The following SNX8 variants were observed in gnomAD, a reference collection of about 807,000 sequenced individuals.
SNX8 encodes sorting nexin 8.
In SNX8, 25 loss-of-function variants were observed where a neutral mutation model predicts 51.6. The observed-to-expected ratio is 0.48, with a 90% confidence interval of 0.35 to 0.68. SNX8 has a LOEUF of 0.68. SNX8 is among the 30% of genes least tolerant of loss of function. The probability of loss-of-function intolerance (pLI) is 0.00; values close to 1 mark genes in which losing one functional copy is unlikely to be tolerated. For missense variants in SNX8, 695 were observed against 624.0 expected (o/e 1.11, Z -1.21); for synonymous variants, 324 against 277.0 (o/e 1.17, Z -1.68).
At chr7:2,329,414 G>A (rs1004079586) in intron 1 of SNX8, among the ~76,000 whole-genome samples, 7 of 152,164 alleles carry the variant, frequency 4.6e-5, no homozygotes, top group South Asian at 2.1e-4. Context: ...CGGCCTAGTC[G>A]GCACACAGTT....
chr7:2,285,211 CAA>C (rs58401507), intron 1 of SNX8, among the ~76,000 whole-genome samples: 2 of 70,936 alleles, frequency 2.8e-5, no homozygotes, highest in South Asian at 4.8e-4. Context: ...GACTCCGTCT[CAA>C]AAAAAAAAAA....
At position 2,345,184 on chromosome 7, in the gene SNX8, C is replaced by A. The variant is rs554816201; in HGVS notation, c.-66+9038G>T. Among the ~76,000 whole-genome samples the A allele has an allele frequency of 2.2e-3, 332 of 152,010 alleles. 4 individuals carry two copies. The highest frequency in any genetic ancestry group is 7.4e-3 in the African/African-American group (305 of 41,492). On this transcript the variant is annotated intron_variant, in intron 1 of 5. Coordinates refer to the SNX8 transcript ENST00000435336. The stretch of plus-strand genomic sequence containing the variant: ...ATACTATTTATAACACTGAAAAAAA[C>A]CAAAACAACCTACTTTTATACGAAT...
intron 1 of SNX8, among the ~76,000 whole-genome samples, chr7:2,301,762 C>T (rs1228607724): frequency 2.0e-5 from 3 of 152,150 alleles, no homozygotes; most frequent in African/African-American, 7.2e-5. Flanking sequence ...TTCAGCTAGT[C>T]CTCAATTTCG....
upstream of SNX8, chr7:2,314,526 C>A: frequency 1.9e-6 from 2 of 1,073,138 alleles, no homozygotes; most frequent in Non-Finnish European, 2.3e-6. Context: ...ACGCCCCCTC[C>A]CCCGCGCGCC....
chr7:2,314,260 C>T (rs1796716364), intron 1 of SNX8, 68 bp downstream of exon 1: 5 of 1,210,864 alleles, frequency 4.1e-6, no homozygotes, highest in Non-Finnish European at 5.1e-6. Flanking sequence ...CGGCTGAGCC[C>T]CGTCCGCCGG....
intron 10 of SNX8, among the ~76,000 whole-genome samples, chr7:2,255,465 G>C (rs756595993): frequency 6.6e-6 from 1 of 152,244 alleles, no homozygotes; most frequent in Non-Finnish European, 1.5e-5. Flanking sequence ...TTACTATCGC[G>C]TCACTGCCAG....
chr7:2,351,779 C>T (rs543789181), intron 1 of SNX8, among the ~76,000 whole-genome samples: 46 of 147,614 alleles, frequency 3.1e-4, no homozygotes, highest in African/African-American at 1.0e-3. Context: ...TGCAGTGATC[C>T]GAGATAGCAC....
intron 1 of SNX8, among the ~76,000 whole-genome samples, chr7:2,295,297 G>C (rs187424988): frequency 6.7e-6 from 1 of 149,944 alleles, no homozygotes; most frequent in African/African-American, 2.5e-5. Flanking sequence ...CCAGCTACTC[G>C]GGAGTCTGAG....
intron 1 of SNX8, among the ~76,000 whole-genome samples, chr7:2,306,719 G>A (rs148070158): frequency 1.1e-4 from 17 of 152,176 alleles, no homozygotes; most frequent in Non-Finnish European, 2.2e-4. Flanking sequence ...GCTGTTAAAA[G>A]GGGTGGAACT....
rs900406177 is a variant in SNX8 at position 2,276,144 on chromosome 7, G to A, written c.301-915C>T. Among the ~76,000 whole-genome samples, 4 of 152,142 alleles carry A rather than the reference G, an allele frequency of 2.6e-5. No individual in the cohort carries two copies. In the East Asian group the frequency reaches 5.8e-4, roughly 22 times the overall value. On this transcript the variant is annotated intron_variant, in intron 2 of 10. Coordinates refer to ENST00000222990, the MANE Select transcript of SNX8 (RefSeq NM_013321.4). ...GTGGCAATGAATTTACTTAAGGGAC[G>A]GGCAGCTTAGTAAGACTGGACAAAA...
intron 1 of SNX8, among the ~76,000 whole-genome samples, chr7:2,292,832 C>A (rs1467969212): frequency 2.6e-5 from 4 of 151,898 alleles, no homozygotes; most frequent in African/African-American, 9.7e-5. Context: ...CCAGCCTGGG[C>A]AACGCGGCAA....
rs564108142 is a variant in SNX8, at chr7:2,254,946, C to T, written c.*110G>A. ...GAGCTCCTCTGCTCCAGCTGCAGCA[C>T]GGGGCGTGGCGGGGAGGGGAGCTGC... On this transcript the variant is annotated 3_prime_UTR_variant, in exon 11 of 11. Transcript: ENST00000222990. 27 of 771,890 alleles carry T rather than the reference C, an allele frequency of 3.5e-5. No homozygotes were observed. The highest frequency in any genetic ancestry group is 2.0e-4 in the South Asian group (13 of 66,490). 47.8% of individuals were successfully genotyped at this position (771,890 alleles called of 1,614,324 possible).
intron 1 of SNX8, among the ~76,000 whole-genome samples, chr7:2,280,459 G>A (rs1391993110): frequency 6.6e-6 from 1 of 150,656 alleles, no homozygotes; most frequent in Non-Finnish European, 1.5e-5. Context: ...TCCAGCCTGG[G>A]CAACAGAGAC....
chr7:2,263,485 C>G (rs1282943247), intron 6 of SNX8, 123 bp from the exon 7 acceptor site: 1 of 978,564 alleles, frequency 1.0e-6, no homozygotes, highest in East Asian at 2.7e-5. Flanking sequence ...TCCTAGGACC[C>G]TGCTGCTCAA....
chr7:2,295,215 C>A (rs956671257), intron 1 of SNX8, among the ~76,000 whole-genome samples: 2 of 151,824 alleles, frequency 1.3e-5, no homozygotes, highest in Non-Finnish European at 2.9e-5. Context: ...ACCAGCCTGG[C>A]CAACATGGTG....
rs1584656582 is a variant in SNX8, at chr7:2,253,776, C to T, written c.*1280G>A. 6.6e-6 allele frequency: 1 copy of T among 152,234 alleles called. No individual in the cohort carries two copies. The highest frequency in any genetic ancestry group is 1.9e-4 in the East Asian group (1 of 5,180). 9.4% of individuals were successfully genotyped at this position (152,234 alleles called of 1,614,324 possible). A position where few individuals can be genotyped will look rare whatever the true frequency, so the allele number is the denominator to read the frequency against. ...AGGAGTCCCCTCTCCATCCCACGGC[C>T]GTGAGCTGCCCGTAGGTACAGGCGG... On this transcript the variant is annotated 3_prime_UTR_variant, in exon 11 of 11. Coordinates refer to ENST00000222990, the MANE Select transcript of SNX8 (RefSeq NM_013321.4).
chr7:2,295,530 C>A (rs1796253982), intron 1 of SNX8, among the ~76,000 whole-genome samples: 1 of 149,598 alleles, frequency 6.7e-6, no homozygotes, highest in Non-Finnish European at 1.5e-5. Flanking sequence ...CATGGTGAAA[C>A]CCTGTCTCTA....
In SNX8 at chr7:2,313,682, G is replaced by A. The variant is rs1374236219; in HGVS notation, c.94+646C>T. 6.6e-5 allele frequency among the ~76,000 whole-genome samples: 10 copies of A among 151,746 alleles called. No homozygotes were observed. The East Asian group carries it at 1.6e-3, about 24-fold the overall frequency. On this transcript the variant is annotated intron_variant, in intron 1 of 10. Coordinates refer to ENST00000222990, the MANE Select transcript of SNX8 (RefSeq NM_013321.4). ...GCTCCAGACCAGCCTGGACAACATA[G>A]CAAGATCCCATCTCTACAAAAATAA...
At chr7:2,268,154 G>A (rs1795528187) in intron 5 of SNX8, among the ~76,000 whole-genome samples, 1 of 142,118 alleles carries the variant, frequency 7.0e-6, no homozygotes, top group Non-Finnish European at 1.6e-5. Context: ...GCCCCATCCG[G>A]GAGGGAGGTG....
Sources: allele counts gnomAD v4.1 joint callset (sites outside exome capture counted in the v4.1 genomes callset), GRCh38; gene constraint gnomAD v4.1.1; transcripts MANE v1.5; gene names NCBI Gene and HGNC (gene_info 2026-07-23, HGNC 2026-07-21).